The following TARS1 variants were observed in gnomAD, a reference collection of about 807,000 sequenced individuals.
TARS1 encodes threonyl-tRNA synthetase 1.
TARS1 carries 57 observed loss-of-function variants against 97.7 expected under a neutral mutation model. The observed-to-expected ratio is 0.58, with a 90% CI of 0.47 to 0.73. The LOEUF is 0.73. Among genes scored for constraint, TARS1 ranks in the 30% least tolerant of loss-of-function variants. The pLI, the probability that TARS1 is intolerant of heterozygous loss-of-function variation, is 0.00. For synonymous variants in TARS1, 312 were observed against 293.7 expected (o/e 1.06, Z -0.64); for missense variants, 806 against 888.3 (o/e 0.91, Z 1.18).
chr5:33,463,213 T>C (rs1419731818), intron 16 of TARS1, among the ~76,000 whole-genome samples: 1 of 152,224 alleles, frequency 6.6e-6, no homozygotes, highest in East Asian at 1.9e-4. Flanking sequence ...TTGACACTTG[T>C]ATTGCTTCAA....
rs748046518 is a variant in TARS1 at position 33,467,708 on chromosome 5, AT to A, written c.*1del. The stretch of plus-strand genomic sequence containing the variant: ...GCAAACAGGCAGAAGAAGAATTTTA[AT>A]GAAAAAATTACCCAGATTGGCTCCA... On this transcript the variant is annotated 3_prime_UTR_variant, in exon 19 of 19. Coordinates refer to ENST00000265112, the MANE Select transcript of TARS1 (RefSeq NM_152295.5). 1.1e-5 allele frequency: 17 copies of A among 1,608,378 alleles called. No individual in the cohort carries two copies. The Admixed American group carries it at 2.9e-4, about 27-fold the overall frequency.
rs757597462 is a variant in TARS1, at chr5:33,461,633, GA to G, written c.1552-27del. On this transcript the variant is annotated intron_variant, in intron 13 of 18. Coordinates refer to ENST00000265112, the MANE Select transcript of TARS1 (RefSeq NM_152295.5). ...AGGCTAAAAGAAGGGAAATTGCGAT[GA>G]AAAAAATAAAAATCATTTTGCTTTA... is the stretch of plus-strand genomic sequence containing the variant. 10 of 1,592,646 alleles carry G rather than the reference GA, an allele frequency of 6.3e-6. No individual in the cohort carries two copies. In the Admixed American group the frequency reaches 1.0e-4, roughly 17 times the overall value.
At chr5:33,452,716 A>G (rs376024587) in intron 3 of TARS1, among the ~76,000 whole-genome samples, 1 of 152,174 alleles carries the variant, frequency 6.6e-6, no homozygotes, top group East Asian at 1.9e-4. Flanking sequence ...TGTCAAAGAA[A>G]GGATCTGGTG....
intron 3 of TARS1, chr5:33,452,372 C>G: frequency 2.0e-6 from 3 of 1,535,458 alleles, no homozygotes; most frequent in Non-Finnish European, 2.6e-6. Flanking sequence ...CCTCTCTTCA[C>G]TTGCATCTCT....
At chr5:33,462,316 TCTAA>T (rs1742334653) in intron 16 of TARS1, 113 bp downstream of exon 16, 6 of 963,516 alleles carry the variant, frequency 6.2e-6, no homozygotes, top group East Asian at 2.4e-5. Flanking sequence ...ATCGGTTGCT[TCTAA>T]CTAACGACAA....
intron 14 of TARS1, 66 bp from the exon 15 acceptor site, chr5:33,461,840 A>T: frequency 6.3e-7 from 1 of 1,588,278 alleles, no homozygotes; most frequent in Non-Finnish European, 8.6e-7. Flanking sequence ...ATCAGCCCTA[A>T]TCCAACTATT....
intron 4 of TARS1, among the ~76,000 whole-genome samples, chr5:33,454,499 T>TG (rs991537422): frequency 6.6e-6 from 1 of 152,238 alleles, no homozygotes; most frequent in Non-Finnish European, 1.5e-5. Flanking sequence ...ACCTTTGTTT[T>TG]GGGCCAGTAA....
intron 1 of TARS1, among the ~76,000 whole-genome samples, chr5:33,443,113 T>C (rs1741198474): frequency 1.3e-5 from 2 of 152,168 alleles, no homozygotes; most frequent in Non-Finnish European, 2.9e-5. Context: ...CTCAGGGAAA[T>C]AGAGAACAGT....
chr5:33,463,255 A>C (rs1742378035), intron 16 of TARS1, among the ~76,000 whole-genome samples: 1 of 152,236 alleles, frequency 6.6e-6, no homozygotes, highest in Admixed American at 6.5e-5. Context: ...TTTTTTAATA[A>C]GTAGTGAAAA....
At chr5:33,463,116 A>C (rs6885094) in intron 16 of TARS1, among the ~76,000 whole-genome samples, 3,862 of 152,332 alleles carry the variant, frequency 0.025, 169 homozygotes, top group African/African-American at 0.089. Context: ...TGCCTACTTT[A>C]GCCTTTTGCC....
chr5:33,467,032 A>G (rs1178817421), intron 18 of TARS1, 47 bp downstream of exon 18: 2 of 1,189,490 alleles, frequency 1.7e-6, no homozygotes. Context: ...CCTCAGGAAA[A>G]TCTACTGAAA....
chr5:33,445,257 TC>T (rs760627789), intron 1 of TARS1, 66 bp from the exon 2 acceptor site: 4 of 1,222,380 alleles, frequency 3.3e-6, no homozygotes, highest in Non-Finnish European at 4.7e-6. Context: ...TCTCAACACT[TC>T]CTGGGGCATC....
intron 9 of TARS1, among the ~76,000 whole-genome samples, chr5:33,457,885 A>G (rs1382778695): frequency 6.6e-6 from 1 of 152,220 alleles, no homozygotes; most frequent in Non-Finnish European, 1.5e-5. Context: ...GCTAGATAAA[A>G]CATTCCCCCT....
Position 33,458,648 on chromosome 5 carries a change from T to G in TARS1, c.1067T>G (p.Leu356Arg). The change falls in exon 10 of 19, where the codon CTT becomes CGT. Residue 356 changes from leucine to arginine, a missense_variant. Leu to Arg is a moderately radical substitution (Grantham distance 102, BLOSUM62 -2). Coordinates refer to ENST00000265112, the MANE Select transcript of TARS1 (RefSeq NM_152295.5). ...AAAGGAGCCTACATTTATAATGCAC[T>G]TATTGAATTCATTAGGGTAAGTCAT... Reference protein sequence around the residue: ...LPKGAYIYNALIEFIRSEYRK... With the variant: ...LPKGAYIYNARIEFIRSEYRK... 1 of 1,612,778 alleles carries G rather than the reference T, an allele frequency of 6.2e-7. No homozygotes were observed. The highest frequency in any genetic ancestry group is 2.2e-5 in the East Asian group (1 of 44,808).
intron 9 of TARS1, among the ~76,000 whole-genome samples, 154 bp from the exon 10 acceptor site, chr5:33,458,412 A>G (rs1050413637): frequency 5.9e-5 from 9 of 152,238 alleles, no homozygotes; most frequent in Admixed American, 3.9e-4. Flanking sequence ...AACATCAGAA[A>G]CACTGACATG....
Position 33,467,648 on chromosome 5 carries a change from T to C in TARS1, c.2112T>C (p.Thr704=). 1.2e-6 allele frequency: 2 copies of C among 1,614,022 alleles called. No homozygotes were observed. Among genetic ancestry groups the C allele is most frequent in the Non-Finnish European group, 1.7e-6 (2 of 1,179,970 alleles). ...ACGGGGAACGCACCATTTCTGAAAC[T>C]ATCGAGCGGCTACAGCAGCTCAAAG... ...KVHGERTISE[T]IERLQQLKEF... is the part of the protein sequence containing the mutation. Residue 704 remains threonine (T), a synonymous_variant, in exon 19 of 19, where the codon ACT becomes ACC. Coordinates refer to ENST00000265112, the MANE Select transcript of TARS1 (RefSeq NM_152295.5).
Position 33,453,333 on chromosome 5 carries a change from T to A in TARS1, c.374T>A (p.Val125Asp). ...DNTVIAKVNN[V>D]VWDLDRPLEE... ...ACCGTTATTGCTAAAGTAAATAATG[T>A]TGTGTGGGACCTGGACCGCCCTCTG... Residue 125 changes from valine (V) to aspartate (D), a missense_variant, in exon 4 of 19, where the codon GTT (valine) becomes GAT (aspartate). Physicochemically the swap from Val to Asp is radical, Grantham distance 152. Coordinates refer to ENST00000265112, the MANE Select transcript of TARS1 (RefSeq NM_152295.5). The A allele has an allele frequency of 6.2e-7, 1 of 1,612,502 alleles. No individual in the cohort carries two copies. Among genetic ancestry groups the A allele is most frequent in the Non-Finnish European group, 8.5e-7 (1 of 1,179,462 alleles).
At chr5:33,447,469 A>G (rs958270614) in intron 2 of TARS1, among the ~76,000 whole-genome samples, 12 of 152,174 alleles carry the variant, frequency 7.9e-5, no homozygotes, top group African/African-American at 2.9e-4. Context: ...GTGGTATCGA[A>G]CTCCTGGCCT....
chr5:33,444,819 G>A (rs1317613345), intron 1 of TARS1, among the ~76,000 whole-genome samples: 3 of 152,010 alleles, frequency 2.0e-5, no homozygotes, highest in South Asian at 2.1e-4. Flanking sequence ...TTTCTCCTCC[G>A]GGAGTTTCTC....
Sources: allele counts gnomAD v4.1 joint callset (sites outside exome capture counted in the v4.1 genomes callset), GRCh38; gene constraint gnomAD v4.1.1; transcripts MANE v1.5; gene names NCBI Gene and HGNC (gene_info 2026-07-23, HGNC 2026-07-21).